NRXN3: variants seen among roughly 807,000 people sequenced by gnomAD.
NRXN3 encodes neurexin 3.
A neutral mutation model predicts 137.6 loss-of-function variants in NRXN3; 32 were observed. The ratio of observed to expected loss-of-function variants is 0.23; its 90% CI spans 0.18 to 0.31. NRXN3 has a LOEUF of 0.31. NRXN3 is among the 10% of genes least tolerant of loss of function. The pLI is 1.00. For missense variants in NRXN3, 1,574 were observed against 2,062.5 expected (o/e 0.76, Z 4.59); for synonymous variants, 798 against 784.5 (o/e 1.02, Z -0.29).
At chr14:78,638,653 C>T (rs2097586574) in intron 4 of NRXN3, among the ~76,000 whole-genome samples, 1 of 152,142 alleles carries the variant, frequency 6.6e-6, no homozygotes, top group Admixed American at 6.5e-5. Flanking sequence ...ACTTGGATGT[C>T]TGCTCACAGC....
At chr14:79,632,851 G>T (rs2098369391) in intron 16 of NRXN3, among the ~76,000 whole-genome samples, 1 of 152,030 alleles carries the variant, frequency 6.6e-6, no homozygotes, top group South Asian at 2.1e-4. Flanking sequence ...TTCTCCATTG[G>T]CTTGTTTCCA....
chr14:78,908,581 G>A (rs1474737074), intron 10 of NRXN3, among the ~76,000 whole-genome samples: 1 of 151,842 alleles, frequency 6.6e-6, no homozygotes, highest in Non-Finnish European at 1.5e-5. Flanking sequence ...AAAGTTCCTG[G>A]AAAATGTGCA....
chr14:78,933,162 G>A (rs140258074), intron 10 of NRXN3, among the ~76,000 whole-genome samples: 48 of 152,328 alleles, frequency 3.2e-4, no homozygotes, highest in African/African-American at 1.0e-3. Flanking sequence ...ATTGTGTGTT[G>A]CCTGAGGGCA....
intron 16 of NRXN3, among the ~76,000 whole-genome samples, chr14:79,516,224 A>C (rs568391055): frequency 1.3e-5 from 2 of 152,292 alleles, no homozygotes; most frequent in African/African-American, 4.8e-5. Flanking sequence ...TAAACAGCGC[A>C]AAGGCAAGCA....
intron 16 of NRXN3, among the ~76,000 whole-genome samples, chr14:79,487,576 A>G (rs980078890): frequency 6.6e-6 from 1 of 152,140 alleles, no homozygotes; most frequent in African/African-American, 2.4e-5. Context: ...TGTTTCCCCA[A>G]AGCAAAGCAT....
intron 4 of NRXN3, among the ~76,000 whole-genome samples, chr14:78,356,135 C>T (rs1479781524): frequency 1.3e-5 from 2 of 152,218 alleles, no homozygotes; most frequent in African/African-American, 2.4e-5. Context: ...ACCCACTTTG[C>T]CTTCATGGGC....
chr14:79,824,666 A>G (rs560349240), intron 20 of NRXN3, among the ~76,000 whole-genome samples: 96 of 152,334 alleles, frequency 6.3e-4, no homozygotes, highest in South Asian at 1.9e-3. Flanking sequence ...ACCCACTTCT[A>G]AATATCAGCA....
At chr14:78,452,495 G>C (rs981994652) in intron 4 of NRXN3, among the ~76,000 whole-genome samples, 30 of 152,148 alleles carry the variant, frequency 2.0e-4, no homozygotes, top group African/African-American at 7.0e-4. Context: ...TCATGCCTTA[G>C]GACTCCCAGC....
intron 16 of NRXN3, among the ~76,000 whole-genome samples, chr14:79,662,097 G>A (rs1479937893): frequency 4.6e-5 from 7 of 152,084 alleles, no homozygotes; most frequent in East Asian, 1.9e-4. Context: ...AGAAGGATGT[G>A]TTTGCTTTCC....
At chr14:79,594,127 G>T (rs975676694) in intron 16 of NRXN3, among the ~76,000 whole-genome samples, 1 of 152,164 alleles carries the variant, frequency 6.6e-6, no homozygotes, top group Non-Finnish European at 1.5e-5. Flanking sequence ...TGTAAATTAG[G>T]TTGTATTCGT....
chr14:78,969,471 G>T (rs2099429930), intron 14 of NRXN3, among the ~76,000 whole-genome samples: 1 of 152,048 alleles, frequency 6.6e-6, no homozygotes, highest in South Asian at 2.1e-4. Flanking sequence ...TGAGCCTTAT[G>T]GTCCTGTGTT....
intron 2 of NRXN3, among the ~76,000 whole-genome samples, chr14:78,275,752 T>C (rs2073483757): frequency 6.6e-6 from 1 of 151,534 alleles, no homozygotes; most frequent in Admixed American, 6.6e-5. Context: ...CAAGTGGGAG[T>C]GGGGGTCACC....
chr14:79,045,933 A>T (rs914968741), intron 15 of NRXN3, among the ~76,000 whole-genome samples: 1 of 152,182 alleles, frequency 6.6e-6, no homozygotes, highest in Non-Finnish European at 1.5e-5. Context: ...AGAAGAGAAT[A>T]ATAATTCAAA....
At position 78,395,218 on chromosome 14, in the gene NRXN3, T is replaced by C. The variant is rs531252663; in HGVS notation, c.757+97358T>C. 2.1e-4 allele frequency among the ~76,000 whole-genome samples: 32 copies of C among 152,098 alleles called. 1 individual carries two copies. In the South Asian group the frequency reaches 5.8e-3, roughly 28 times the overall value. On this transcript the variant is annotated intron_variant, in intron 4 of 20. Transcript: ENST00000335750. ...TTTCCTCTCAGCACTGCTTTAGTTA[T>C]GTCCTATAAATTTTGATATGTTTTA... is the stretch of plus-strand genomic sequence containing the variant.
chr14:79,706,562 T>A (rs80030347), intron 19 of NRXN3, among the ~76,000 whole-genome samples: 1 of 151,852 alleles, frequency 6.6e-6, no homozygotes, highest in Non-Finnish European at 1.5e-5. Flanking sequence ...AATGCCATCA[T>A]GTTCCCAGGC....
At chr14:78,404,922 G>T (rs188809412) in intron 4 of NRXN3, among the ~76,000 whole-genome samples, 1 of 152,128 alleles carries the variant, frequency 6.6e-6, no homozygotes, top group Admixed American at 6.5e-5. Context: ...CCTGCCTATC[G>T]TCTGTCTACT....
chr14:79,733,419 G>T (rs2154073723), intron 19 of NRXN3, among the ~76,000 whole-genome samples: 1 of 152,212 alleles, frequency 6.6e-6, no homozygotes, highest in East Asian at 1.9e-4. Context: ...AATGTTCTTT[G>T]GTTATCAGGG....
chr14:78,337,901 G>T (rs1002082749), intron 4 of NRXN3, among the ~76,000 whole-genome samples: 1 of 152,100 alleles, frequency 6.6e-6, no homozygotes, highest in African/African-American at 2.4e-5. Flanking sequence ...CAGTCAAAAA[G>T]TCTAAGATCC....
intron 1 of NRXN3, among the ~76,000 whole-genome samples, chr14:78,224,357 G>A (rs544953694): frequency 2.0e-5 from 3 of 152,032 alleles, no homozygotes; most frequent in African/African-American, 7.2e-5. Flanking sequence ...CATGTGCCAT[G>A]CTGGTGTGCT....
Sources: gnomAD v4.1 joint callset for allele counts (sites outside exome capture counted in the v4.1 genomes callset) on GRCh38, gnomAD v4.1.1 for gene constraint, MANE v1.5 for transcripts, NCBI Gene and HGNC (gene_info 2026-07-23, HGNC 2026-07-21) for gene names.